Variants in CASZ1 observed in about 807,000 individuals in gnomAD.
CASZ1 encodes the protein castor zinc finger 1, also known as zinc finger protein castor homolog 1.
In CASZ1, 28 loss-of-function variants were observed where a neutral mutation model predicts 135.2. The observed-to-expected ratio is 0.21, with a 90% CI of 0.15 to 0.28. CASZ1 has a LOEUF of 0.28. Among genes scored for constraint, CASZ1 ranks in the 10% least tolerant of loss-of-function variants. The pLI, the probability that CASZ1 is intolerant of heterozygous loss-of-function variation, is 1.00. For missense variants in CASZ1, 2,161 were observed against 2,453.3 expected (o/e 0.88, Z 2.52); for synonymous variants, 1,068 against 1,073.4 (o/e 0.99, Z 0.10).
intron 3 of CASZ1, among the ~76,000 whole-genome samples, chr1:10,702,439 A>G (rs562354119): frequency 7.5e-4 from 114 of 152,312 alleles, no homozygotes; most frequent in Admixed American, 1.3e-3. Context: ...GGGCTAGTGA[A>G]GGAGGAAAGA....
At position 10,648,068 on chromosome 1, in the gene CASZ1, T is replaced by A. The variant is rs903528552; in HGVS notation, c.3230A>T (p.Glu1077Val). The A allele has an allele frequency of 5.0e-6, 8 of 1,591,446 alleles. No individual in the cohort carries two copies. Among genetic ancestry groups the A allele is most frequent in the Non-Finnish European group, 6.8e-6 (8 of 1,169,622 alleles). ...CGAGGGGGCCATGGGAGGTTTGGTC[T>A]CGGCGGCCGAGGCCGGAAAGGCAGC... ...TEAAFPASAA[E>V]TKPPMAPSSP... The change falls in exon 16 of 21, where the codon GAG becomes GTG. Residue 1077 changes from glutamate (E) to valine (V), a missense_variant. Physicochemically the swap from Glu to Val is moderately radical, Grantham distance 121 (BLOSUM62 -2). Coordinates refer to ENST00000377022, the MANE Select transcript of CASZ1 (RefSeq NM_001079843.3).
intron 1 of CASZ1, among the ~76,000 whole-genome samples, chr1:10,780,412 C>G (rs1485462467): frequency 6.6e-6 from 1 of 152,116 alleles, no homozygotes; most frequent in Admixed American, 6.6e-5. Flanking sequence ...ACCTCATTAC[C>G]AAAAAGATGG....
At chr1:10,672,876 G>A (rs566585920) in intron 4 of CASZ1, among the ~76,000 whole-genome samples, 2 of 152,328 alleles carry the variant, frequency 1.3e-5, no homozygotes, top group South Asian at 2.1e-4. Context: ...TTCCACGTCC[G>A]CCTCCTTTGG....
chr1:10,755,592 G>T lies in CASZ1; in HGVS notation c.-77+5109C>A, dbSNP rs549397547. 2.6e-5 allele frequency among the ~76,000 whole-genome samples: 4 copies of T among 152,276 alleles called. No homozygotes were observed. Among genetic ancestry groups the T allele is most frequent in the African/African-American group, 9.6e-5 (4 of 41,562 alleles). ...CCCTTCCCAATCCCTCTTCCCTGGG[G>T]CCCGTGCATGGCGAGATGCGGGGTT... On this transcript the variant is annotated intron_variant, in intron 2 of 20. Transcript: ENST00000377022. This position sits in a 1 kb window ranked among gnomAD's most constrained non-coding sequence, Gnocchi z 4.3.
rs1640393665 is a variant in CASZ1 at position 10,762,308 on chromosome 1, G to C, written c.-233-1451C>G. 6.6e-6 allele frequency among the ~76,000 whole-genome samples: 1 copy of C among 152,140 alleles called. No homozygotes were observed. The highest frequency in any genetic ancestry group is 2.4e-5 in the African/African-American group (1 of 41,442). On this transcript the variant is annotated intron_variant, in intron 1 of 20. Coordinates refer to ENST00000377022, the MANE Select transcript of CASZ1 (RefSeq NM_001079843.3). This position sits in a 1 kb window ranked among gnomAD's most constrained non-coding sequence, Gnocchi z 4.1. The stretch of plus-strand genomic sequence containing the variant: ...CCATCCCACCCCTCGGCGCCACACA[G>C]GGTTAACAGCGGGTTTCCTGGTTTC...
chr1:10,669,384 G>A (rs992429864), intron 4 of CASZ1, among the ~76,000 whole-genome samples: 1 of 152,212 alleles, frequency 6.6e-6, no homozygotes, highest in African/African-American at 2.4e-5. Context: ...CCCTTAAAGT[G>A]TTAACTGCGA....
intron 4 of CASZ1, among the ~76,000 whole-genome samples, chr1:10,686,920 G>C (rs1297059971): frequency 6.6e-6 from 1 of 152,226 alleles, no homozygotes; most frequent in East Asian, 1.9e-4. Context: ...GCAGTGGAGA[G>C]CCGGGTCATC....
chr1:10,665,438 G>T lies in CASZ1; in HGVS notation c.150C>A (p.Ala50=). 6.2e-7 allele frequency: 1 copy of T among 1,611,712 alleles called. No individual in the cohort carries two copies. ...RQVVVEKRAD[A]GSHTEGSPSQ... is the part of the protein sequence containing the mutation. ...ATGGGCTGCCCTCCGTGTGGGAGCC[G>T]GCGTCAGCTCGCTTCTCCACCACCA... is the stretch of plus-strand genomic sequence containing the variant. Residue 50 remains alanine (A), a synonymous_variant, in exon 5 of 21, where the codon GCC becomes GCA. Transcript: ENST00000377022.
chr1:10,639,586 C>A lies in CASZ1; in HGVS notation c.4636G>T (p.Ala1546Ser). The A allele has an allele frequency of 6.2e-7, 1 of 1,611,766 alleles. No homozygotes were observed. Among genetic ancestry groups the A allele is most frequent in the South Asian group, 1.1e-5 (1 of 91,008 alleles). The change falls in exon 21 of 21, where the codon GCG (alanine) becomes TCG (serine). Residue 1546 changes from alanine (A) to serine (S), a missense_variant. Transcript: ENST00000377022. This position sits in a 1 kb window ranked among gnomAD's most constrained non-coding sequence, Gnocchi z 4.0. Reference sequence around the variant, plus strand: ...CTGGAGCTGAACTGGCAGAAGCCCGCGGCGCTGATCACGTCCTGTTTGCCG... The same window carrying A: ...CTGGAGCTGAACTGGCAGAAGCCCGAGGCGCTGATCACGTCCTGTTTGCCG... ...HHGKQDVISA[A>S]GFCQFSSSAD...
rs924527628 is a variant in CASZ1, at chr1:10,707,404, G to C, written c.-76-1860C>G. Among the ~76,000 whole-genome samples, 5 of 152,226 alleles carry C rather than the reference G, an allele frequency of 3.3e-5. No individual in the cohort carries two copies. The highest frequency in any genetic ancestry group is 7.3e-5 in the Non-Finnish European group (5 of 68,048). On this transcript the variant is annotated intron_variant, in intron 2 of 20. Transcript: ENST00000377022. The surrounding 1 kb of genome is among the most constrained non-coding windows in gnomAD (Gnocchi z 5.0). ...CAACAAGGGAGCGCGGGAGACCGGA[G>C]CGCTGAACCCAAATCCCTCAGCAGT...
intron 3 of CASZ1, among the ~76,000 whole-genome samples, chr1:10,702,672 G>T (rs971224711): frequency 9.2e-5 from 14 of 152,072 alleles, no homozygotes; most frequent in Admixed American, 5.9e-4. Flanking sequence ...CCATCGGTGG[G>T]TCCAGGTTTG....
chr1:10,693,178 G>A (rs1638821023), intron 4 of CASZ1, among the ~76,000 whole-genome samples: 1 of 152,066 alleles, frequency 6.6e-6, no homozygotes, highest in Non-Finnish European at 1.5e-5. Context: ...TAGTCTGTCT[G>A]GTCCATCACC....
rs928001210 is a variant in CASZ1 at position 10,697,999 on chromosome 1, A to G, written c.-23-4087T>C. ...GAGGGCAGAGCCAAGGCACCACGGC[A>G]TGGCCACGGGCACGGGAGGTCGTGG... is the stretch of plus-strand genomic sequence containing the variant. On this transcript the variant is annotated intron_variant, in intron 3 of 20. Coordinates refer to ENST00000377022, the MANE Select transcript of CASZ1 (RefSeq NM_001079843.3). This position sits in a 1 kb window ranked among gnomAD's most constrained non-coding sequence, Gnocchi z 4.7. Among the ~76,000 whole-genome samples the G allele has an allele frequency of 6.6e-6, 1 of 152,260 alleles. No individual in the cohort carries two copies. Among genetic ancestry groups the G allele is most frequent in the African/African-American group, 2.4e-5 (1 of 41,468 alleles).
At chr1:10,715,007 G>A (rs1405798207) in intron 2 of CASZ1, among the ~76,000 whole-genome samples, 2 of 152,190 alleles carry the variant, frequency 1.3e-5, no homozygotes, top group Non-Finnish European at 2.9e-5. Context: ...CCTAACCTTG[G>A]TCCAGGTTCC....
chr1:10,773,791 T>A (rs960132037), intron 1 of CASZ1, among the ~76,000 whole-genome samples: 2 of 152,068 alleles, frequency 1.3e-5, no homozygotes, highest in African/African-American at 4.8e-5. Flanking sequence ...CACACACACA[T>A]CCTATGCCAA....
chr1:10,781,177 G>T (rs1338423207), intron 1 of CASZ1, among the ~76,000 whole-genome samples: 1 of 152,222 alleles, frequency 6.6e-6, no homozygotes, highest in African/African-American at 2.4e-5. Flanking sequence ...AGGGGGCTCT[G>T]GGAGGAGAGA....
Position 10,735,361 on chromosome 1 carries a change from TGAC to T in CASZ1, c.-77+25337_-77+25339del, listed in dbSNP as rs1228150709. Among the ~76,000 whole-genome samples the T allele has an allele frequency of 2.0e-5, 3 of 152,148 alleles. No homozygotes were observed. Among genetic ancestry groups the T allele is most frequent in the African/African-American group, 7.2e-5 (3 of 41,434 alleles). On this transcript the variant is annotated intron_variant, in intron 2 of 20. Coordinates refer to ENST00000377022, the MANE Select transcript of CASZ1 (RefSeq NM_001079843.3). The surrounding 1 kb of genome is among the most constrained non-coding windows in gnomAD (Gnocchi z 5.1). ...ACGGGCCCCAAGCTGCATTCTGAGCTGACGAGAGAGGCGCCTGCAAACGCAGGC... is the reference window on the plus strand; with the variant it reads ...ACGGGCCCCAAGCTGCATTCTGAGCTGAGAGAGGCGCCTGCAAACGCAGGC...
At chr1:10,729,070 G>A (rs1019112048) in intron 2 of CASZ1, among the ~76,000 whole-genome samples, 5 of 151,958 alleles carry the variant, frequency 3.3e-5, no homozygotes, top group Non-Finnish European at 4.4e-5. Flanking sequence ...TGGGGGAGGC[G>A]GTTGGGAGGC....
chr1:10,748,171 AGAG>A (rs1264525122), intron 2 of CASZ1, among the ~76,000 whole-genome samples: 1 of 152,182 alleles, frequency 6.6e-6, no homozygotes, highest in Non-Finnish European at 1.5e-5. Context: ...TAAGCCTGGC[AGAG>A]GAGAAGGTGA....
Sources: gnomAD v4.1 joint callset for allele counts (sites outside exome capture counted in the v4.1 genomes callset) on GRCh38, gnomAD v4.1.1 for gene constraint, Gnocchi (gnomAD v3.1) non-coding constraint, MANE v1.5 for transcripts, NCBI Gene and HGNC (gene_info 2026-07-23, HGNC 2026-07-21) for gene names.